The following CFAP299 variants were observed in gnomAD, a reference collection of about 807,000 sequenced individuals.
CFAP299 encodes cilia and flagella associated protein 299, also known as cilia- and flagella-associated protein 299.
CFAP299 carries 21 observed loss-of-function variants against 27.0 expected under a neutral mutation model. The observed-to-expected ratio is 0.78, with a 90% CI of 0.55 to 1.12. CFAP299 has a LOEUF of 1.12. CFAP299 is among the 50% of genes most tolerant of loss of function. CFAP299 has a pLI of 0.00. For synonymous variants in CFAP299, 104 were observed against 98.1 expected (o/e 1.06, Z -0.36); for missense variants, 310 against 276.6 (o/e 1.12, Z -0.86).
At chr4:80,887,808 G>A (rs1734046024) in intron 4 of CFAP299, among the ~76,000 whole-genome samples, 1 of 151,972 alleles carries the variant, frequency 6.6e-6, no homozygotes, top group Non-Finnish European at 1.5e-5. Flanking sequence ...AGGAGAAATA[G>A]AAAAAGTTAA....
chr4:80,610,071 GCTTA>G (rs1012483716), intron 3 of CFAP299, among the ~76,000 whole-genome samples: 1 of 151,606 alleles, frequency 6.6e-6, no homozygotes, highest in African/African-American at 2.4e-5. Flanking sequence ...CAGAGAATTT[GCTTA>G]CTTATTTTAT....
At chr4:80,486,209 G>A (rs2110132758) in intron 2 of CFAP299, among the ~76,000 whole-genome samples, 1 of 152,306 alleles carries the variant, frequency 6.6e-6, no homozygotes, top group East Asian at 1.9e-4. Flanking sequence ...AATGTGTGAA[G>A]CTGCATTTCT....
chr4:80,768,874 C>A (rs1380776425), intron 3 of CFAP299, among the ~76,000 whole-genome samples: 3 of 152,144 alleles, frequency 2.0e-5, no homozygotes, highest in Non-Finnish European at 4.4e-5. Flanking sequence ...CCACCAGATA[C>A]AAGGTAGAAT....
intron 2 of CFAP299, chr4:80,388,327 C>T (rs1578385751): frequency 1.5e-6 from 1 of 686,372 alleles, no homozygotes; most frequent in Non-Finnish European, 2.7e-6. Context: ...AGATGTTCCC[C>T]TGGATCAGTG....
intron 4 of CFAP299, among the ~76,000 whole-genome samples, chr4:80,928,564 G>A (rs1007181840): frequency 1.4e-4 from 21 of 152,008 alleles, no homozygotes; most frequent in Non-Finnish European, 4.4e-5. Context: ...TAAAAGTGAG[G>A]GATGAGGTTG....
At chr4:80,575,520 T>G (rs1467089797) in intron 2 of CFAP299, among the ~76,000 whole-genome samples, 1 of 151,924 alleles carries the variant, frequency 6.6e-6, no homozygotes, top group African/African-American at 2.4e-5. Flanking sequence ...TGATTTTATT[T>G]ATTTGGGTCT....
intron 2 of CFAP299, chr4:80,387,655 A>C: frequency 6.5e-7 from 1 of 1,546,012 alleles, no homozygotes; most frequent in Non-Finnish European, 8.9e-7. Flanking sequence ...GTGGGTCTGC[A>C]TGTGTTTCTT....
At chr4:80,864,213 G>A (rs1664211378) in intron 3 of CFAP299, among the ~76,000 whole-genome samples, 1 of 151,492 alleles carries the variant, frequency 6.6e-6, no homozygotes, top group Non-Finnish European at 1.5e-5. Context: ...TTAAACCTAA[G>A]CAATTATTTA....
intron 4 of CFAP299, among the ~76,000 whole-genome samples, chr4:80,938,811 A>G (rs1406418020): frequency 2.0e-5 from 3 of 152,092 alleles, no homozygotes; most frequent in Admixed American, 6.6e-5. Context: ...ATCCTGTAGC[A>G]TTTCTTGTAA....
intron 1 of CFAP299, among the ~76,000 whole-genome samples, chr4:80,338,102 T>C (rs1007854247): frequency 3.0e-4 from 45 of 152,142 alleles, no homozygotes; most frequent in African/African-American, 1.1e-3. Context: ...CCTCTCTCTC[T>C]CTCTCACACA....
At chr4:80,709,426 T>C (rs978743060) in intron 3 of CFAP299, among the ~76,000 whole-genome samples, 1 of 152,130 alleles carries the variant, frequency 6.6e-6, no homozygotes, top group Non-Finnish European at 1.5e-5. Flanking sequence ...AGTTACAAAG[T>C]GCTGCTCCCT....
At chr4:80,708,316 A>G (rs568065557) in intron 3 of CFAP299, among the ~76,000 whole-genome samples, 5 of 152,124 alleles carry the variant, frequency 3.3e-5, no homozygotes, top group African/African-American at 1.2e-4. Context: ...GACCACCTAG[A>G]TAAGAGTTTA....
chr4:80,497,651 C>G (rs971488034), intron 2 of CFAP299, among the ~76,000 whole-genome samples: 2 of 151,978 alleles, frequency 1.3e-5, no homozygotes, highest in African/African-American at 2.4e-5. Context: ...ATTTTATATA[C>G]TATTTAAAAC....
chr4:80,805,651 G>T (rs537996256), intron 3 of CFAP299, among the ~76,000 whole-genome samples: 1 of 151,942 alleles, frequency 6.6e-6, no homozygotes, highest in South Asian at 2.1e-4. Context: ...CAAGACTAGC[G>T]TGGGCAACAT....
intron 2 of CFAP299, among the ~76,000 whole-genome samples, chr4:80,363,980 A>G (rs1723678418): frequency 6.6e-6 from 1 of 151,732 alleles, no homozygotes; most frequent in Non-Finnish European, 1.5e-5. Context: ...CCAGTTACTC[A>G]GGAGGCTGAG....
intron 5 of CFAP299, among the ~76,000 whole-genome samples, chr4:80,954,844 C>T (rs1737973284): frequency 6.6e-6 from 1 of 151,108 alleles, no homozygotes; most frequent in South Asian, 2.1e-4. Flanking sequence ...CTAAAAAATA[C>T]AAAAAATTAG....
At chr4:80,926,574 G>A (rs1052624262) in intron 4 of CFAP299, among the ~76,000 whole-genome samples, 2 of 151,928 alleles carry the variant, frequency 1.3e-5, no homozygotes, top group Admixed American at 1.3e-4. Flanking sequence ...TGGAGAAGGA[G>A]AGGGAACAAC....
At chr4:80,698,520 T>C (rs1721256627) in intron 3 of CFAP299, among the ~76,000 whole-genome samples, 2 of 152,240 alleles carry the variant, frequency 1.3e-5, no homozygotes, top group Admixed American at 1.3e-4. Context: ...GCCTACTATT[T>C]ACTAAGGACT....
chr4:80,534,942 T>C (rs1733652953), intron 2 of CFAP299, among the ~76,000 whole-genome samples: 1 of 152,204 alleles, frequency 6.6e-6, no homozygotes, highest in South Asian at 2.1e-4. Context: ...TTATATAATA[T>C]GAAAGAATCT....
Sources: allele counts gnomAD v4.1 joint callset (sites outside exome capture counted in the v4.1 genomes callset), GRCh38; gene constraint gnomAD v4.1.1; transcripts MANE v1.5; gene names NCBI Gene and HGNC (gene_info 2026-07-23, HGNC 2026-07-21).